The following PRPF3 variants were observed in gnomAD, a reference collection of about 807,000 sequenced individuals.
The protein encoded by PRPF3 is pre-mRNA processing factor 3.
Under a neutral mutation model 89.2 loss-of-function variants are expected in PRPF3, and 3 were observed. The observed-to-expected ratio is 0.03, with a 90% CI of 0.02 to 0.09. PRPF3 has a LOEUF of 0.09. Among genes scored for constraint, PRPF3 ranks in the 10% least tolerant of loss-of-function variants. PRPF3 has a pLI of 1.00. For missense variants in PRPF3, 463 were observed against 828.8 expected (o/e 0.56, Z 5.42); for synonymous variants, 270 against 289.1 (o/e 0.93, Z 0.67).
At chr1:150,348,985 T>A (rs1319051879) in intron 14 of PRPF3, 172 bp from the exon 15 acceptor site, 1 of 664,016 alleles carries the variant, frequency 1.5e-6, no homozygotes, top group African/African-American at 1.8e-5. Flanking sequence ...TATTACTGCC[T>A]ACTTGGAGCT....
intron 14 of PRPF3, 115 bp from the exon 15 acceptor site, chr1:150,349,042 T>C: frequency 6.8e-6 from 6 of 878,986 alleles, no homozygotes; most frequent in African/African-American, 1.7e-5. Context: ...AAGAGAACAC[T>C]TGGTCCAACA....
chr1:150,342,601 C>G (rs1406519401), intron 9 of PRPF3, among the ~76,000 whole-genome samples: 1 of 152,058 alleles, frequency 6.6e-6, no homozygotes, highest in African/African-American at 2.4e-5. Context: ...CGGCTCACTG[C>G]AACCTCCACC....
chr1:150,344,121 A>G, intron 10 of PRPF3, 41 bp from the exon 11 acceptor site: 1 of 1,538,044 alleles, frequency 6.5e-7, no homozygotes, highest in Middle Eastern at 2.2e-4. Flanking sequence ...CAGCTGGAGA[A>G]GTGACTTCAA....
At chr1:150,332,585 T>G in intron 4 of PRPF3, 99 bp from the exon 5 acceptor site, 1 of 1,153,890 alleles carries the variant, frequency 8.7e-7, no homozygotes, top group Non-Finnish European at 1.3e-6. Flanking sequence ...CAAAACATTT[T>G]AAGTGTCTAG....
intron 9 of PRPF3, among the ~76,000 whole-genome samples, chr1:150,340,803 G>A (rs1657612144): frequency 6.6e-6 from 1 of 151,996 alleles, no homozygotes. Context: ...AACACAGTGA[G>A]ACCCATCTCA....
At chr1:150,333,724 T>A (rs903890940) in intron 6 of PRPF3, among the ~76,000 whole-genome samples, 1 of 152,212 alleles carries the variant, frequency 6.6e-6, no homozygotes, top group Admixed American at 6.5e-5. Flanking sequence ...TAACTGAGAT[T>A]AAGGTTATTC....
chr1:150,344,108 C>T (rs1048073236), intron 10 of PRPF3, 54 bp from the exon 11 acceptor site: 1 of 1,471,766 alleles, frequency 6.8e-7, no homozygotes, highest in Non-Finnish European at 9.5e-7. Flanking sequence ...TAACAAGTTA[C>T]TCCAGCTGGA....
At position 150,346,300 on chromosome 1, in the gene PRPF3, GT is replaced by G; in HGVS notation, c.1760-107del. 2.3e-6 allele frequency: 3 copies of G among 1,304,292 alleles called. No homozygotes were observed. In the South Asian group the frequency reaches 3.6e-5, roughly 16 times the overall value. The allele number at this position is 1,304,292 out of a possible 1,614,324, so 80.8% of individuals were successfully genotyped here. A position where few individuals can be genotyped will look rare whatever the true frequency, so the allele number is the denominator to read the frequency against. ...TTTTTGGAGTAGAAGGCCCTAAGAT[GT>G]GGTTCCTGAGATTGCTTCAACTACC... On this transcript the variant is annotated intron_variant, in intron 13 of 15. Coordinates refer to ENST00000324862, the MANE Select transcript of PRPF3 (RefSeq NM_004698.4).
intron 4 of PRPF3, chr1:150,330,071 T>C (rs1348373956): frequency 2.0e-5 from 3 of 152,056 alleles, no homozygotes; most frequent in Admixed American, 6.6e-5. Context: ...GTTTTTGTTT[T>C]TCAGGCAAGG....
At chr1:150,348,850 C>A (rs1553873712) in intron 14 of PRPF3, 1 of 368,638 alleles carries the variant, frequency 2.7e-6, no homozygotes, top group Non-Finnish European at 5.1e-6. Flanking sequence ...ATGAAGCCTG[C>A]CTCCCAAAGT....
At chr1:150,333,312 C>T in intron 6 of PRPF3, 113 bp downstream of exon 6, 1 of 1,208,964 alleles carries the variant, frequency 8.3e-7, no homozygotes, top group Non-Finnish European at 1.2e-6. Context: ...GTAATCGTAG[C>T]ACTTTGGGAG....
rs1658237856 is a variant in PRPF3, at chr1:150,345,977, A to T, written c.1641-41A>T. On this transcript the variant is annotated intron_variant, in intron 12 of 15. Coordinates refer to ENST00000324862, the MANE Select transcript of PRPF3 (RefSeq NM_004698.4). ...TGCCACTCCATTCAGGCAGCTGCTGATGCTAAAATGGAAGACATAACTAAA... is the reference window on the plus strand; with the variant it reads ...TGCCACTCCATTCAGGCAGCTGCTGTTGCTAAAATGGAAGACATAACTAAA... The T allele has an allele frequency of 4.0e-6, 6 of 1,488,194 alleles. No individual in the cohort carries two copies. The East Asian group carries it at 1.4e-4, about 34-fold the overall frequency. The allele number at this position is 1,488,194 out of a possible 1,614,324, so 92.2% of individuals were successfully genotyped here. A position where few individuals can be genotyped will look rare whatever the true frequency, so the allele number is the denominator to read the frequency against.
chr1:150,322,935 T>A (rs1459680175), intron 1 of PRPF3, among the ~76,000 whole-genome samples: 2 of 149,872 alleles, frequency 1.3e-5, no homozygotes, highest in Non-Finnish European at 3.0e-5. Context: ...AGTGCAGTGG[T>A]GCGATCTCGG....
chr1:150,337,870 T>A (rs1022035159), intron 7 of PRPF3, among the ~76,000 whole-genome samples: 24 of 151,412 alleles, frequency 1.6e-4, no homozygotes, highest in African/African-American at 4.6e-4. Flanking sequence ...AGGTCGGGAG[T>A]TTGAGACCAG....
chr1:150,339,594 G>A (rs750833642), intron 8 of PRPF3, among the ~76,000 whole-genome samples: 22 of 151,764 alleles, frequency 1.4e-4, no homozygotes, highest in Non-Finnish European at 2.8e-4. Flanking sequence ...GCACCACCAC[G>A]CCTGGCTAAT....
chr1:150,324,436 T>G (rs1031069846), intron 1 of PRPF3, among the ~76,000 whole-genome samples: 1 of 152,226 alleles, frequency 6.6e-6, no homozygotes, highest in Admixed American at 6.5e-5. Context: ...TGCTTTGAGA[T>G]ATGGTTCTTG....
At chr1:150,337,718 C>A (rs911473310) in intron 7 of PRPF3, among the ~76,000 whole-genome samples, 1 of 149,654 alleles carries the variant, frequency 6.7e-6, no homozygotes, top group African/African-American at 2.5e-5. Context: ...GTGGAGCTTA[C>A]ACTGCACTGC....
At chr1:150,346,528 A>T in intron 14 of PRPF3, 37 bp downstream of exon 14, 1 of 1,561,192 alleles carries the variant, frequency 6.4e-7, no homozygotes, top group South Asian at 1.1e-5. Context: ...GGGGAGAGCT[A>T]TGGGAGGTGG....
At chr1:150,332,833 A>C in intron 5 of PRPF3, 66 bp downstream of exon 5, 1 of 1,562,910 alleles carries the variant, frequency 6.4e-7, no homozygotes, top group Non-Finnish European at 8.8e-7. Flanking sequence ...ATCCACTCAA[A>C]ATGAGAGACT....
Sources: allele counts gnomAD v4.1 joint callset (sites outside exome capture counted in the v4.1 genomes callset), GRCh38; gene constraint gnomAD v4.1.1; transcripts MANE v1.5; gene names NCBI Gene and HGNC (gene_info 2026-07-23, HGNC 2026-07-21).